Variants in RNLS observed in about 807,000 individuals in gnomAD.
RNLS encodes renalase, FAD dependent amine oxidase, also known as renalase.
Under a neutral mutation model 39.8 loss-of-function variants are expected in RNLS, and 39 were observed. The observed-to-expected ratio is 0.98, with a 90% CI of 0.76 to 1.28. RNLS has a LOEUF of 1.28. Among genes scored for constraint, RNLS ranks in the 50% most tolerant of loss-of-function variants. The probability of loss-of-function intolerance (pLI) is 0.00; values close to 1 mark genes in which losing one functional copy is unlikely to be tolerated. For synonymous variants in RNLS, 147 were observed against 150.7 expected (o/e 0.98, Z 0.18); for missense variants, 410 against 413.3 (o/e 0.99, Z 0.07).
chr10:88,207,663 G>C, the RNLS span, among the ~76,000 whole-genome samples: 2 of 152,182 alleles, frequency 1.3e-5, no homozygotes, highest in African/African-American at 2.4e-5. Flanking sequence ...AAATTGAGCA[G>C]AGCATTTCCC....
chr10:88,418,801 A>C (rs1854198918), intron 4 of RNLS, among the ~76,000 whole-genome samples: 1 of 152,190 alleles, frequency 6.6e-6, no homozygotes, highest in Admixed American at 6.5e-5. Flanking sequence ...AATGGTGTTT[A>C]AGTTCCTGGG....
At chr10:88,239,594 G>A in the RNLS span, among the ~76,000 whole-genome samples, 54 of 152,344 alleles carry the variant, frequency 3.5e-4, no homozygotes, top group African/African-American at 1.2e-3. Flanking sequence ...AAACATCTCA[G>A]CAGCTGCCCG....
At chr10:88,582,795 G>A (rs1208384676) in intron 1 of RNLS, among the ~76,000 whole-genome samples, 3 of 152,184 alleles carry the variant, frequency 2.0e-5, no homozygotes. Flanking sequence ...CTCCCACGCC[G>A]CTGTCTCAGG....
intron 6 of RNLS, among the ~76,000 whole-genome samples, chr10:88,307,840 T>G (rs1038302354): frequency 2.6e-5 from 4 of 152,312 alleles, no homozygotes; most frequent in South Asian, 2.1e-4. Context: ...TTAAAATTTA[T>G]ATGGAACCAA....
At chr10:88,229,267 G>C in the RNLS span, among the ~76,000 whole-genome samples, 1 of 152,194 alleles carries the variant, frequency 6.6e-6, no homozygotes, top group Admixed American at 6.5e-5. Flanking sequence ...CAACTAGTGA[G>C]AAGTTGAGGT....
At chr10:88,322,264 G>A (rs988843251) in intron 5 of RNLS, among the ~76,000 whole-genome samples, 4 of 152,054 alleles carry the variant, frequency 2.6e-5, no homozygotes, top group African/African-American at 9.7e-5. Context: ...CAACGAACTA[G>A]GCATCAAAGG....
chr10:88,488,479 A>C (rs1974053), intron 4 of RNLS, among the ~76,000 whole-genome samples: 166 of 149,408 alleles, frequency 1.1e-3, no homozygotes, highest in African/African-American at 3.9e-3. Flanking sequence ...CTGGGAGGCC[A>C]AGGTTGTGGT....
At chr10:88,181,926 C>A in the RNLS span, among the ~76,000 whole-genome samples, 2,594 of 152,214 alleles carry the variant, frequency 0.017, 80 homozygotes, top group African/African-American at 0.058. Context: ...TTGAAGAGAT[C>A]TTTATGGTGA....
At position 88,362,541 on chromosome 10, in the gene RNLS, G is replaced by C. The variant is rs778547066; in HGVS notation, c.700+11C>G. 6.2e-7 allele frequency: 1 copy of C among 1,609,950 alleles called. No individual in the cohort carries two copies. Among genetic ancestry groups the C allele is most frequent in the South Asian group, 1.1e-5 (1 of 90,426 alleles). The stretch of plus-strand genomic sequence containing the variant: ...GTTGCTGTATTTAAGGGAAATAATA[G>C]GGGTACTGACCTATATTGCGCTTCT... On this transcript the variant is annotated intron_variant, in intron 5 of 6. Transcript: ENST00000331772.
intron 4 of RNLS, among the ~76,000 whole-genome samples, chr10:88,363,597 A>G (rs1156989273): frequency 6.6e-6 from 1 of 152,090 alleles, no homozygotes; most frequent in African/African-American, 2.4e-5. Flanking sequence ...ATAGGTCCCT[A>G]CCCTACTCAT....
At position 88,284,521 on chromosome 10, in the gene RNLS, T is replaced by C. The variant is rs1236777796; in HGVS notation, c.*833A>G. The C allele has an allele frequency of 2.0e-6, 2 of 985,236 alleles. No homozygotes were observed. Among genetic ancestry groups the C allele is most frequent in the Admixed American group, 1.2e-4 (2 of 16,242 alleles). The allele number at this position is 985,236 out of a possible 1,614,324, so 61.0% of individuals were successfully genotyped here. ...TAAGTGCATCTATTTTCTGGTTCAG[T>C]AAATTTTTTGTTGTGTTAAATTCAT... On this transcript the variant is annotated 3_prime_UTR_variant, in exon 7 of 7. Transcript: ENST00000331772.
intron 4 of RNLS, among the ~76,000 whole-genome samples, chr10:88,406,209 G>T (rs1235089984): frequency 1.3e-5 from 2 of 152,040 alleles, no homozygotes; most frequent in African/African-American, 2.4e-5. Context: ...CCTAGGCAAA[G>T]ATATTTTTGC....
intron 4 of RNLS, among the ~76,000 whole-genome samples, chr10:88,449,034 G>T (rs144210712): frequency 6.6e-6 from 1 of 152,270 alleles, no homozygotes; most frequent in Non-Finnish European, 1.5e-5. Flanking sequence ...AGGATTAGGA[G>T]ATATACCTAA....
At chr10:88,466,928 C>A (rs1388239860) in intron 4 of RNLS, among the ~76,000 whole-genome samples, 1 of 152,108 alleles carries the variant, frequency 6.6e-6, no homozygotes, top group East Asian at 1.9e-4. Context: ...TTTTAAAACC[C>A]CTTTCAAGCT....
At chr10:88,505,579 T>C (rs1209868340) in intron 4 of RNLS, among the ~76,000 whole-genome samples, 2 of 151,830 alleles carry the variant, frequency 1.3e-5, no homozygotes, top group Non-Finnish European at 1.5e-5. Context: ...TAAAAAAAAG[T>C]TTTTTAAAGA....
intron 4 of RNLS, among the ~76,000 whole-genome samples, chr10:88,482,651 T>G (rs1844261034): frequency 6.6e-6 from 1 of 152,152 alleles, no homozygotes; most frequent in Non-Finnish European, 1.5e-5. Flanking sequence ...ATCTAACATT[T>G]GGGGATCCTC....
intron 3 of RNLS, among the ~76,000 whole-genome samples, chr10:88,574,144 T>C (rs1850020487): frequency 6.6e-6 from 1 of 152,070 alleles, no homozygotes; most frequent in African/African-American, 2.4e-5. Flanking sequence ...AAAGAATGAA[T>C]TATGAACCAT....
At chr10:88,382,314 C>CTT (rs1378586191) in intron 4 of RNLS, among the ~76,000 whole-genome samples, 1 of 152,068 alleles carries the variant, frequency 6.6e-6, no homozygotes, top group East Asian at 1.9e-4. Context: ...GTGCATGACA[C>CTT]TTTGGCTATG....
chr10:88,175,605 A>G, the RNLS span, among the ~76,000 whole-genome samples: 1 of 152,128 alleles, frequency 6.6e-6, no homozygotes, highest in Non-Finnish European at 1.5e-5. Context: ...GTCTGAGAAG[A>G]TACTTGATAT....
Sources: gnomAD v4.1 joint callset for allele counts (sites outside exome capture counted in the v4.1 genomes callset) on GRCh38, gnomAD v4.1.1 for gene constraint, MANE v1.5 for transcripts, NCBI Gene and HGNC (gene_info 2026-07-23, HGNC 2026-07-21) for gene names.